PIGU: variants seen among roughly 807,000 people sequenced by gnomAD.
PIGU encodes the protein GPI-anchor transamidase component PIGU.
In PIGU, 24 loss-of-function variants were observed where a neutral mutation model predicts 49.9. That is an observed-to-expected ratio of 0.48 (90% CI 0.35 to 0.68). The LOEUF (loss-of-function observed/expected upper bound fraction) is 0.68, where lower values mean the gene tolerates loss of function less well. PIGU is among the 30% of genes least tolerant of loss of function. PIGU has a pLI of 0.01. For missense variants in PIGU, 490 were observed against 532.6 expected (o/e 0.92, Z 0.79); for synonymous variants, 220 against 205.7 (o/e 1.07, Z -0.59).
At chr20:34,565,397 C>T (rs575296706) in intron 11 of PIGU, among the ~76,000 whole-genome samples, 3 of 152,110 alleles carry the variant, frequency 2.0e-5, no homozygotes, top group East Asian at 3.9e-4. Context: ...GGACTACAAG[C>T]GTGCGCCACC....
At chr20:34,611,752 A>T (rs1310386380) in intron 7 of PIGU, among the ~76,000 whole-genome samples, 2 of 152,110 alleles carry the variant, frequency 1.3e-5, no homozygotes, top group African/African-American at 4.8e-5. Context: ...GTGGCCAAGA[A>T]ACATGAAAAA....
rs34119895 is a variant in PIGU at position 34,589,649 on chromosome 20, CTTTTT to C, written c.628-1047_628-1043del. Reference sequence around the variant, plus strand: ...TATAGGCGTGAGCCACTGCACCTGGCTTTTTTTTTTTTTTTTTTTTTTTTTGAAAC... The same window carrying C: ...TATAGGCGTGAGCCACTGCACCTGGCTTTTTTTTTTTTTTTTTTTTGAAAC... On this transcript the variant is annotated intron_variant, in intron 7 of 11. Transcript: ENST00000217446. Among the ~76,000 whole-genome samples, 154 of 53,702 alleles carry C rather than the reference CTTTTT, an allele frequency of 2.9e-3. 4 individuals are homozygous for C. The East Asian group carries it at 0.071, about 25-fold the overall frequency. The allele number at this position is 53,702 out of a possible 152,430, so 35.2% of individuals were successfully genotyped here.
chr20:34,655,628 C>T (rs1367092582), intron 2 of PIGU, among the ~76,000 whole-genome samples: 1 of 120,154 alleles, frequency 8.3e-6, no homozygotes, highest in Non-Finnish European at 1.8e-5. Flanking sequence ...GAGCCAAGAT[C>T]GTGCCACTGC....
chr20:34,601,383 T>TAAG (rs754232339), intron 7 of PIGU, among the ~76,000 whole-genome samples: 4 of 152,222 alleles, frequency 2.6e-5, no homozygotes, highest in Non-Finnish European at 5.9e-5. Context: ...GCACTTAATC[T>TAAG]TGCAGGACTA....
At chr20:34,564,785 A>G (rs749021279) in intron 11 of PIGU, among the ~76,000 whole-genome samples, 4 of 152,232 alleles carry the variant, frequency 2.6e-5, no homozygotes. Context: ...GGGTATGTAT[A>G]TGGGTGTCCA....
At chr20:34,590,693 A>T (rs2146715449) in intron 7 of PIGU, among the ~76,000 whole-genome samples, 1 of 152,240 alleles carries the variant, frequency 6.6e-6, no homozygotes, top group African/African-American at 2.4e-5. Flanking sequence ...TCAGTTATGC[A>T]GCTACATGCT....
At chr20:34,579,851 C>T (rs891097147) in intron 10 of PIGU, among the ~76,000 whole-genome samples, 2 of 152,228 alleles carry the variant, frequency 1.3e-5, no homozygotes, top group African/African-American at 4.8e-5. Context: ...GGCTACCAAG[C>T]CCGAAGCTCT....
At position 34,650,695 on chromosome 20, in the gene PIGU, T is replaced by C. The variant is rs539542740; in HGVS notation, c.196-5361A>G. Among the ~76,000 whole-genome samples the C allele has an allele frequency of 7.5e-5, 10 of 133,488 alleles. No homozygotes were observed. The South Asian group carries it at 2.1e-3, about 28-fold the overall frequency. 87.6% of individuals were successfully genotyped at this position (133,488 alleles called of 152,430 possible). On this transcript the variant is annotated intron_variant, in intron 2 of 11. Coordinates refer to ENST00000217446, the MANE Select transcript of PIGU (RefSeq NM_080476.5). The stretch of plus-strand genomic sequence containing the variant: ...TTGGTAATTTTTTTCCTTTTCTTTT[T>C]TTCTCTTTTTTTTTTTTTTTTTTTT...
chr20:34,637,965 G>A lies in PIGU; in HGVS notation c.339C>T (p.Leu113=), dbSNP rs549919343. The change falls in exon 5 of 12, where the codon CTC becomes CTT. Residue 113 remains leucine, a synonymous_variant. Coordinates refer to ENST00000217446, the MANE Select transcript of PIGU (RefSeq NM_080476.5). The stretch of plus-strand genomic sequence containing the variant: ...CTGGGGCATACTGGTCCAGTTCTAG[G>A]AGGAGTTTCTGCTTTTTAAACTAGA... ...NKVVFKKQKL[L]LELDQYAPDV... is the part of the protein sequence containing the mutation. 5.7e-6 allele frequency: 9 copies of A among 1,572,016 alleles called. No homozygotes were observed. The African/African-American group carries it at 1.1e-4, about 19-fold the overall frequency.
At chr20:34,634,790 A>G in intron 5 of PIGU, 75 bp from the exon 6 acceptor site, 1 of 1,554,734 alleles carries the variant, frequency 6.4e-7, no homozygotes. Flanking sequence ...AGGAAGTTCC[A>G]AGAGATTTAT....
chr20:34,604,447 A>T (rs1010792412), intron 7 of PIGU, among the ~76,000 whole-genome samples: 4 of 152,234 alleles, frequency 2.6e-5, no homozygotes, highest in Non-Finnish European at 4.4e-5. Flanking sequence ...ACAAGAAGAG[A>T]TCCAGGAGAT....
intron 6 of PIGU, among the ~76,000 whole-genome samples, chr20:34,632,837 T>C (rs113274244): frequency 2.6e-5 from 4 of 151,524 alleles, no homozygotes; most frequent in African/African-American, 7.3e-5. Flanking sequence ...CAGGACAGAC[T>C]GGGGTAGGAT....
intron 7 of PIGU, among the ~76,000 whole-genome samples, chr20:34,608,137 C>T (rs537894352): frequency 2.3e-4 from 33 of 144,132 alleles, no homozygotes; most frequent in African/African-American, 7.3e-4. Flanking sequence ...TGCAGTGGTG[C>T]GATCTCGGCT....
Position 34,634,731 on chromosome 20 carries a change from C to T in PIGU, c.429-16G>A. ...TAAGAGATAGCTGGGGAAGAACAAACATATTTGGCATTAGTAATCCTGACC... is the reference window on the plus strand; with the variant it reads ...TAAGAGATAGCTGGGGAAGAACAAATATATTTGGCATTAGTAATCCTGACC... On this transcript the variant is annotated splice_polypyrimidine_tract_variant and intron_variant, in intron 5 of 11. Coordinates refer to ENST00000217446, the MANE Select transcript of PIGU (RefSeq NM_080476.5). The T allele has an allele frequency of 1.9e-6, 3 of 1,608,560 alleles. No individual in the cohort carries two copies. Among genetic ancestry groups the T allele is most frequent in the Non-Finnish European group, 2.6e-6 (3 of 1,176,294 alleles).
At chr20:34,591,370 A>G (rs1383140838) in intron 7 of PIGU, among the ~76,000 whole-genome samples, 1 of 152,232 alleles carries the variant, frequency 6.6e-6, no homozygotes, top group Non-Finnish European at 1.5e-5. Context: ...GTAATCAAAT[A>G]GAAAAAATGA....
chr20:34,668,867 C>CTTT lies in PIGU; in HGVS notation c.130+8086_130+8088dup, dbSNP rs374136983. The stretch of plus-strand genomic sequence containing the variant: ...AAAAATTAGTGAAAAAATGGTAAAA[C>CTTT]TTTTTTTTTTTTTTTTTTTTTTTTT... On this transcript the variant is annotated intron_variant, in intron 1 of 11. Transcript: ENST00000217446. Among the ~76,000 whole-genome samples the CTTT allele has an allele frequency of 3.8e-4, 17 of 44,714 alleles. 1 individual carries two copies. The highest frequency in any genetic ancestry group is 6.7e-4 in the African/African-American group (8 of 11,882). The allele number at this position is 44,714 out of a possible 152,430, so 29.3% of individuals were successfully genotyped here.
intron 7 of PIGU, among the ~76,000 whole-genome samples, chr20:34,614,448 C>T (rs1464271023): frequency 6.6e-6 from 1 of 151,740 alleles, no homozygotes; most frequent in Non-Finnish European, 1.5e-5. Flanking sequence ...GTCTGGGCAA[C>T]ATGGCGAAAC....
chr20:34,575,477 G>A (rs886728960), intron 10 of PIGU, among the ~76,000 whole-genome samples: 5 of 152,178 alleles, frequency 3.3e-5, no homozygotes, highest in Non-Finnish European at 7.3e-5. Context: ...TCCTCCCACT[G>A]TGGGCTTGGC....
intron 6 of PIGU, among the ~76,000 whole-genome samples, chr20:34,633,499 G>A (rs995701021): frequency 6.0e-5 from 9 of 151,174 alleles, no homozygotes; most frequent in African/African-American, 2.2e-4. Context: ...AAATAAACAA[G>A]AAACCATGGT....
Sources: gnomAD v4.1 joint callset for allele counts (sites outside exome capture counted in the v4.1 genomes callset) on GRCh38, gnomAD v4.1.1 for gene constraint, MANE v1.5 for transcripts, NCBI Gene and HGNC (gene_info 2026-07-23, HGNC 2026-07-21) for gene names.